CENPO: variants seen among roughly 807,000 people sequenced by gnomAD.
The protein encoded by CENPO is centromere protein O, also known as centromeric protein O.
A neutral mutation model predicts 36.1 loss-of-function variants in CENPO; 30 were observed. The ratio of observed to expected loss-of-function variants is 0.83; its 90% CI spans 0.62 to 1.13. The LOEUF is 1.13. Ranked by LOEUF, CENPO falls within the 50% of genes most tolerant of loss-of-function variation. CENPO has a pLI of 0.00. For synonymous variants in CENPO, 171 were observed against 142.3 expected, an observed-to-expected ratio of 1.20 and a Z score of -1.44; for missense variants, 349 against 357.8, an observed-to-expected ratio of 0.98 and a Z score of 0.20.
At chr2:24,809,895 A>C (rs1295386744) in intron 3 of CENPO, among the ~76,000 whole-genome samples, 2 of 152,122 alleles carry the variant, frequency 1.3e-5, no homozygotes, top group African/African-American at 4.8e-5. Context: ...AATATCTTAC[A>C]TCCTTAGCTG....
chr2:24,793,459 G>GT lies in CENPO; in HGVS notation c.-107dup. On this transcript the variant is annotated 5_prime_UTR_variant, in exon 1 of 8. Transcript: ENST00000380834. ...AAGCACGCCGGGACCGGTTGGTTTGGTTTTGAAGACGTGGATGGCGGGAAT... is the reference window on the plus strand; with the variant it reads ...AAGCACGCCGGGACCGGTTGGTTTGGTTTTTGAAGACGTGGATGGCGGGAAT... 3 of 1,605,414 alleles carry GT rather than the reference G, an allele frequency of 1.9e-6. No homozygotes were observed. Among genetic ancestry groups the GT allele is most frequent in the Admixed American group, 1.7e-5 (1 of 59,106 alleles).
intron 4 of CENPO, among the ~76,000 whole-genome samples, chr2:24,815,225 G>A (rs1666885034): frequency 7.3e-6 from 1 of 137,520 alleles, no homozygotes; most frequent in South Asian, 2.3e-4. Context: ...GTGACAGAGT[G>A]AAACCCTATC....
At chr2:24,813,195 G>A (rs1666778601) in intron 3 of CENPO, among the ~76,000 whole-genome samples, 2 of 152,064 alleles carry the variant, frequency 1.3e-5, no homozygotes, top group African/African-American at 4.8e-5. Context: ...GCAGTGAGCC[G>A]AGATTGTGCC....
chr2:24,819,749 G>T lies in CENPO; in HGVS notation c.*431G>T. ...GACCCCTATGCTGGGGACACTACAG[G>T]CACACACAGGAATAGCAGGGCCACC... On this transcript the variant is annotated 3_prime_UTR_variant, in exon 8 of 8. Coordinates refer to ENST00000380834, the MANE Select transcript of CENPO (RefSeq NM_001322101.2). The T allele has an allele frequency of 1.6e-6, 1 of 637,384 alleles. No individual in the cohort carries two copies. Among genetic ancestry groups the T allele is most frequent in the Non-Finnish European group, 2.7e-6 (1 of 367,152 alleles). 39.5% of individuals were successfully genotyped at this position (637,384 alleles called of 1,614,324 possible).
Position 24,793,522 on chromosome 2 carries a change from T to C in CENPO, c.-69+21T>C, listed in dbSNP as rs745639924. 8 of 1,575,320 alleles carry C rather than the reference T, an allele frequency of 5.1e-6. No individual in the cohort carries two copies. The Admixed American group carries it at 1.5e-4, about 29-fold the overall frequency. On this transcript the variant is annotated intron_variant, in intron 1 of 7. Transcript: ENST00000380834. ...CCTGGGTGAGCTAGAAGGGAGAAGG[T>C]AGGGGAAAGACCCATTGTCGGACCG...
In CENPO at chr2:24,803,451, CT is replaced by C. The variant is rs550298003; in HGVS notation, c.216+3608del. On this transcript the variant is annotated intron_variant, in intron 3 of 7. Coordinates refer to ENST00000380834, the MANE Select transcript of CENPO (RefSeq NM_001322101.2). ...GTCAATTTTAGATCTTTCCTGCTTTCTCTTGTAGGCATTTAGTGCTATAAAT... is the reference window on the plus strand; with the variant it reads ...GTCAATTTTAGATCTTTCCTGCTTTCCTTGTAGGCATTTAGTGCTATAAAT... Among the ~76,000 whole-genome samples the C allele has an allele frequency of 4.0e-3, 604 of 152,186 alleles. 3 individuals carry two copies. The highest frequency in any genetic ancestry group is 0.01 in the Middle Eastern group (3 of 294).
intron 2 of CENPO, among the ~76,000 whole-genome samples, chr2:24,797,752 G>A (rs564989672): frequency 1.3e-5 from 2 of 152,302 alleles, no homozygotes; most frequent in African/African-American, 2.4e-5. Context: ...AGAGGGTTTC[G>A]TGAAGGTGGT....
intron 3 of CENPO, among the ~76,000 whole-genome samples, chr2:24,800,699 G>A (rs1666122832): frequency 6.6e-6 from 1 of 152,028 alleles, no homozygotes; most frequent in South Asian, 2.1e-4. Context: ...GTGTATATGT[G>A]CCACATTTTC....
chr2:24,795,185 A>T (rs1665838343), intron 2 of CENPO, among the ~76,000 whole-genome samples: 1 of 152,204 alleles, frequency 6.6e-6, no homozygotes, highest in Non-Finnish European at 1.5e-5. Flanking sequence ...TTGGATTATC[A>T]AGAGACTTAG....
At position 24,820,648 on chromosome 2, in the gene CENPO, G is replaced by T; in HGVS notation, c.*1330G>T. The T allele has an allele frequency of 6.3e-7, 1 of 1,587,216 alleles. No individual in the cohort carries two copies. The highest frequency in any genetic ancestry group is 8.6e-7 in the Non-Finnish European group (1 of 1,163,818). ...TTCAGGGCCAGGGTGGGAGGCAGGG[G>T]CACGTGGGAAAGCACTGTTCCGGTT... is the stretch of plus-strand genomic sequence containing the variant. On this transcript the variant is annotated 3_prime_UTR_variant, in exon 8 of 8. Coordinates refer to ENST00000380834, the MANE Select transcript of CENPO (RefSeq NM_001322101.2).
At position 24,821,217 on chromosome 2, in the gene CENPO, G is replaced by A; in HGVS notation, c.*1899G>A. The A allele has an allele frequency of 2.2e-6, 1 of 446,926 alleles. No individual in the cohort carries two copies. The allele number at this position is 446,926 out of a possible 1,614,324, so 27.7% of individuals were successfully genotyped here. On this transcript the variant is annotated 3_prime_UTR_variant, in exon 8 of 8. Coordinates refer to ENST00000380834, the MANE Select transcript of CENPO (RefSeq NM_001322101.2). ...GCCTGTCTGGGAAGCCATGTCCTCA[G>A]CAGGCACAGCAACCCCTCTGGAAAT... is the stretch of plus-strand genomic sequence containing the variant.
chr2:24,814,981 C>G (rs938763807), intron 4 of CENPO, among the ~76,000 whole-genome samples: 7 of 152,150 alleles, frequency 4.6e-5, no homozygotes, highest in African/African-American at 1.7e-4. Flanking sequence ...TTGCTTATGC[C>G]TGTAATCCCA....
intron 2 of CENPO, among the ~76,000 whole-genome samples, chr2:24,799,193 T>C (rs1666050956): frequency 6.6e-6 from 1 of 152,060 alleles, no homozygotes; most frequent in Non-Finnish European, 1.5e-5. Context: ...AGATGGGGTT[T>C]TGCCATGTTG....
intron 2 of CENPO, among the ~76,000 whole-genome samples, chr2:24,796,551 G>A (rs917106612): frequency 1.3e-5 from 2 of 151,928 alleles, no homozygotes; most frequent in Non-Finnish European, 1.5e-5. Flanking sequence ...GGTGGCTCAC[G>A]CCTGTAATCC....
chr2:24,815,380 A>T, intron 4 of CENPO, 117 bp from the exon 5 acceptor site: 1 of 781,398 alleles, frequency 1.3e-6, no homozygotes, highest in Admixed American at 2.1e-5. Context: ...CTCATTGAAC[A>T]AACATTTGTG....
chr2:24,821,740 C>G lies in CENPO; in HGVS notation c.*2422C>G. 2 of 1,511,922 alleles carry G rather than the reference C, an allele frequency of 1.3e-6. No homozygotes were observed. The highest frequency in any genetic ancestry group is 8.9e-7 in the Non-Finnish European group (1 of 1,126,256). 93.7% of individuals were successfully genotyped at this position (1,511,922 alleles called of 1,614,324 possible). ...GTGTTCTGGGGGTGGATTCCCTACA[C>G]CTAGATGTTCAAGGCCTTACTTTTC... is the stretch of plus-strand genomic sequence containing the variant. On this transcript the variant is annotated 3_prime_UTR_variant, in exon 8 of 8. Coordinates refer to ENST00000380834, the MANE Select transcript of CENPO (RefSeq NM_001322101.2).
At position 24,819,679 on chromosome 2, in the gene CENPO, G is replaced by T. The variant is rs1667242882; in HGVS notation, c.*361G>T. On this transcript the variant is annotated 3_prime_UTR_variant, in exon 8 of 8. Coordinates refer to ENST00000380834, the MANE Select transcript of CENPO (RefSeq NM_001322101.2). ...GCCCCTCAGGGGCAAGGACGGCAGG[G>T]ATTGGAACGAGGGCTCTGGAAGGAC... is the stretch of plus-strand genomic sequence containing the variant. 2 of 409,056 alleles carry T rather than the reference G, an allele frequency of 4.9e-6. No homozygotes were observed. The highest frequency in any genetic ancestry group is 8.7e-6 in the Non-Finnish European group (2 of 229,470). The allele number at this position is 409,056 out of a possible 1,614,324, so 25.3% of individuals were successfully genotyped here.
chr2:24,816,077 C>G, intron 5 of CENPO: 1 of 328,072 alleles, frequency 3.0e-6, no homozygotes. Context: ...TACTATGTAC[C>G]ATACCGAGTG....
chr2:24,802,334 C>G (rs1285988962), intron 3 of CENPO, among the ~76,000 whole-genome samples: 3 of 151,722 alleles, frequency 2.0e-5, no homozygotes, highest in East Asian at 1.9e-4. Flanking sequence ...TCTCCTGCCT[C>G]ATTGCCCTGG....
Sources: allele counts gnomAD v4.1 joint callset (sites outside exome capture counted in the v4.1 genomes callset), GRCh38; gene constraint gnomAD v4.1.1; transcripts MANE v1.5; gene names NCBI Gene and HGNC (gene_info 2026-07-23, HGNC 2026-07-21).